Variants in CNTN4 observed in about 807,000 individuals in gnomAD.
The protein encoded by CNTN4 is contactin 4, also known as contactin-4.
CNTN4 carries 77 observed loss-of-function variants against 122.5 expected under a neutral mutation model. The ratio of observed to expected loss-of-function variants is 0.63; its 90% CI spans 0.52 to 0.76. The LOEUF (loss-of-function observed/expected upper bound fraction) is 0.76. Among genes scored for constraint, CNTN4 ranks in the 30% least tolerant of loss-of-function variants. The pLI is 0.00. For synonymous variants in CNTN4, 512 were observed against 447.0 expected (o/e 1.15, Z -1.83); for missense variants, 1,256 against 1,259.1 (o/e 1.00, Z 0.04).
At chr3:2,705,754 A>T (rs2086660061) in intron 4 of CNTN4, among the ~76,000 whole-genome samples, 1 of 102,724 alleles carries the variant, frequency 9.7e-6, no homozygotes, top group Non-Finnish European at 1.7e-5. Flanking sequence ...ATGATATATA[A>T]TATATAATAT....
intron 3 of CNTN4, among the ~76,000 whole-genome samples, chr3:2,440,672 A>G (rs2048401342): frequency 6.6e-6 from 1 of 151,934 alleles, no homozygotes. Flanking sequence ...CAACAGATGT[A>G]TATATTCACA....
At chr3:2,138,063 CTTCT>C (rs1423884125) in intron 2 of CNTN4, among the ~76,000 whole-genome samples, 2 of 148,812 alleles carry the variant, frequency 1.3e-5, no homozygotes, top group East Asian at 4.1e-4. Context: ...TATTCTTCTT[CTTCT>C]TTTTTTTTTT....
intron 3 of CNTN4, among the ~76,000 whole-genome samples, chr3:2,360,914 T>G (rs540632913): frequency 3.3e-5 from 5 of 152,308 alleles, no homozygotes; most frequent in Admixed American, 1.3e-4. Flanking sequence ...TAAATGCTCA[T>G]CATTTACCTG....
At chr3:2,396,657 T>C (rs13069405) in intron 3 of CNTN4, among the ~76,000 whole-genome samples, 1 of 105,940 alleles carries the variant, frequency 9.4e-6, no homozygotes, top group African/African-American at 3.2e-5. Flanking sequence ...TATGTCTGGG[T>C]TTTTTTTTTT....
chr3:2,667,486 TATTAGC>T (rs1302868760), intron 4 of CNTN4, among the ~76,000 whole-genome samples: 1 of 152,180 alleles, frequency 6.6e-6, no homozygotes, highest in African/African-American at 2.4e-5. Flanking sequence ...AGATTCTGGA[TATTAGC>T]CCTTTGTCAG....
At chr3:2,203,991 A>G (rs1293491040) in intron 2 of CNTN4, among the ~76,000 whole-genome samples, 1 of 152,196 alleles carries the variant, frequency 6.6e-6, no homozygotes, top group African/African-American at 2.4e-5. Context: ...TATGAGTGGT[A>G]TGAGTGTATT....
intron 6 of CNTN4, among the ~76,000 whole-genome samples, chr3:2,787,210 C>G (rs1166299621): frequency 6.6e-6 from 1 of 152,082 alleles, no homozygotes; most frequent in Non-Finnish European, 1.5e-5. Flanking sequence ...AACCCTGTCT[C>G]TATTAAAAAT....
intron 12 of CNTN4, among the ~76,000 whole-genome samples, chr3:2,912,122 A>G (rs996481105): frequency 3.3e-5 from 5 of 152,206 alleles, no homozygotes; most frequent in African/African-American, 1.2e-4. Context: ...AAAGAGATCT[A>G]CACTGAGACA....
At chr3:2,607,134 T>C (rs2081291440) in intron 4 of CNTN4, among the ~76,000 whole-genome samples, 3 of 152,212 alleles carry the variant, frequency 2.0e-5, no homozygotes, top group Admixed American at 6.5e-5. Context: ...CCACCTTTTT[T>C]TGGCATCTGG....
At chr3:2,778,666 T>C (rs969925719) in intron 6 of CNTN4, among the ~76,000 whole-genome samples, 1 of 152,224 alleles carries the variant, frequency 6.6e-6, no homozygotes, top group Non-Finnish European at 1.5e-5. Flanking sequence ...AGGAATCTGT[T>C]CTTATCATAC....
intron 6 of CNTN4, among the ~76,000 whole-genome samples, chr3:2,758,654 A>G (rs4685555): frequency 0.21 from 32,367 of 150,934 alleles, 3,863 homozygotes; most frequent in East Asian, 0.38. Flanking sequence ...TTACAGGCGC[A>G]CATCACCACA....
intron 2 of CNTN4, among the ~76,000 whole-genome samples, chr3:2,221,832 G>C (rs1364030385): frequency 3.9e-5 from 6 of 151,992 alleles, no homozygotes; most frequent in African/African-American, 7.2e-5. Flanking sequence ...GCAAATAAAA[G>C]TCACAATGAG....
In CNTN4 at chr3:2,150,195, T is replaced by C. The variant is rs2035433382; in HGVS notation, c.-145+49556T>C. Among the ~76,000 whole-genome samples, 3 of 152,178 alleles carry C rather than the reference T, an allele frequency of 2.0e-5. No individual in the cohort carries two copies. In the South Asian group the frequency reaches 6.2e-4, roughly 31 times the overall value. ...CTCTAGAGCAAAGTTGCCTAAACTA[T>C]TTCTGCCTCTGTTTCATCATTTCTA... On this transcript the variant is annotated intron_variant, in intron 2 of 24. Coordinates refer to ENST00000418658, the MANE Select transcript of CNTN4 (RefSeq NM_175607.3).
intron 2 of CNTN4, among the ~76,000 whole-genome samples, chr3:2,246,700 T>C (rs2040166056): frequency 6.6e-6 from 1 of 152,032 alleles, no homozygotes; most frequent in African/African-American, 2.4e-5. Context: ...CAAAGGGCTT[T>C]TTACCATGAA....
intron 7 of CNTN4, among the ~76,000 whole-genome samples, chr3:2,850,327 C>T (rs1182957150): frequency 6.6e-6 from 1 of 152,216 alleles, no homozygotes. Flanking sequence ...GCATGGTAAA[C>T]AGAACACAGC....
chr3:2,701,951 A>G (rs2086381481), intron 4 of CNTN4, among the ~76,000 whole-genome samples: 1 of 152,222 alleles, frequency 6.6e-6, no homozygotes, highest in African/African-American at 2.4e-5. Context: ...AAAAGTTAGC[A>G]TGAGTTCTCC....
chr3:2,895,930 G>T (rs1432464302), intron 10 of CNTN4, among the ~76,000 whole-genome samples: 1 of 152,160 alleles, frequency 6.6e-6, no homozygotes, highest in Non-Finnish European at 1.5e-5. Context: ...CTACTCGGGA[G>T]GCTGAGGCAG....
At chr3:2,104,188 C>G (rs949672514) in intron 2 of CNTN4, among the ~76,000 whole-genome samples, 5 of 151,684 alleles carry the variant, frequency 3.3e-5, no homozygotes, top group African/African-American at 9.7e-5. Context: ...CTGAACTCCT[C>G]TTTCTTCCAA....
chr3:2,616,949 T>G (rs1176239400), intron 4 of CNTN4, among the ~76,000 whole-genome samples: 1 of 152,102 alleles, frequency 6.6e-6, no homozygotes, highest in East Asian at 1.9e-4. Flanking sequence ...CGCAGAAAAC[T>G]GAAACTGAAC....
Sources: gnomAD v4.1 joint callset for allele counts (sites outside exome capture counted in the v4.1 genomes callset) on GRCh38, gnomAD v4.1.1 for gene constraint, MANE v1.5 for transcripts, NCBI Gene and HGNC (gene_info 2026-07-23, HGNC 2026-07-21) for gene names.